MAP3K13: variants seen among roughly 807,000 people sequenced by gnomAD.
MAP3K13 encodes the protein mitogen-activated protein kinase kinase kinase 13, also known as leucine zipper-bearing kinase.
A neutral mutation model predicts 104.0 loss-of-function variants in MAP3K13; 52 were observed. The ratio of observed to expected loss-of-function variants is 0.50; its 90% confidence interval spans 0.40 to 0.63. The LOEUF (loss-of-function observed/expected upper bound fraction) is 0.63, where lower values mean the gene tolerates loss of function less well. Among genes scored for constraint, MAP3K13 ranks in the 20% least tolerant of loss-of-function variants. The probability of loss-of-function intolerance (pLI) is 0.00; values close to 1 mark genes in which losing one functional copy is unlikely to be tolerated. For missense variants in MAP3K13, 914 were observed against 1,218.5 expected, an observed-to-expected ratio of 0.75 and a Z score of 3.72; for synonymous variants, 394 against 442.2, an observed-to-expected ratio of 0.89 and a Z score of 1.37.
rs369187207 is a variant in MAP3K13, at chr3:185,483,507, C to T, written c.*1051C>T. The T allele has an allele frequency of 4.4e-4, 101 of 227,702 alleles. No homozygotes were observed. The South Asian group carries it at 0.011, about 24-fold the overall frequency. The allele number at this position is 227,702 out of a possible 1,614,324, so 14.1% of individuals were successfully genotyped here. A position where few individuals can be genotyped will look rare whatever the true frequency, so the allele number is the denominator to read the frequency against. ...AACGAACGTGGAATTTATAAAACTC[C>T]ATTCTCAGGATCACTCAGTTCAGCT... On this transcript the variant is annotated 3_prime_UTR_variant, in exon 14 of 14. Coordinates refer to ENST00000265026, the MANE Select transcript of MAP3K13 (RefSeq NM_004721.5).
chr3:185,396,269 G>T (rs550532000), intron 1 of MAP3K13, among the ~76,000 whole-genome samples: 6 of 152,112 alleles, frequency 3.9e-5, no homozygotes, highest in African/African-American at 1.4e-4. Context: ...TAGTCAGGAG[G>T]CTAAGCAGGA....
chr3:185,323,580 G>A (rs569888721), intron 2 of MAP3K13, among the ~76,000 whole-genome samples: 3 of 152,174 alleles, frequency 2.0e-5, no homozygotes, highest in East Asian at 1.9e-4. Flanking sequence ...TGATCTGCCC[G>A]CCTCGGCCTC....
At chr3:185,422,769 C>T (rs1243877301) in intron 1 of MAP3K13, among the ~76,000 whole-genome samples, 1 of 152,204 alleles carries the variant, frequency 6.6e-6, no homozygotes, top group African/African-American at 2.4e-5. Context: ...TGCTGTATAG[C>T]AGGGGTTCCC....
chr3:185,464,191 G>C (rs1312717584), intron 8 of MAP3K13, among the ~76,000 whole-genome samples: 1 of 152,222 alleles, frequency 6.6e-6, no homozygotes, highest in Non-Finnish European at 1.5e-5. Flanking sequence ...AGGAGACAGA[G>C]GCATGAGAAT....
chr3:185,469,168 G>A (rs1717630619), intron 10 of MAP3K13, among the ~76,000 whole-genome samples: 1 of 152,142 alleles, frequency 6.6e-6, no homozygotes, highest in Admixed American at 6.5e-5. Context: ...AAATTAGAGA[G>A]GAGAAACCAT....
rs1178355692 is a variant in MAP3K13 at position 185,348,008 on chromosome 3, G to A, written c.-86+62365G>A. Among the ~76,000 whole-genome samples the A allele has an allele frequency of 1.1e-3, 128 of 116,988 alleles. 2 individuals are homozygous for A. The highest frequency in any genetic ancestry group is 4.7e-3 in the African/African-American group (113 of 24,138). 76.7% of individuals were successfully genotyped at this position (116,988 alleles called of 152,430 possible). On this transcript the variant is annotated intron_variant, in intron 2 of 14. Transcript: ENST00000424227. ...TCCTGGGCAACAAAAGCAAAACTCCGTCTCAAAAAAAAAAAAAAAGAAAGA... is the reference window on the plus strand; with the variant it reads ...TCCTGGGCAACAAAAGCAAAACTCCATCTCAAAAAAAAAAAAAAAGAAAGA...
intron 2 of MAP3K13, among the ~76,000 whole-genome samples, chr3:185,319,238 C>G (rs1721777817): frequency 6.6e-6 from 1 of 152,108 alleles, no homozygotes; most frequent in African/African-American, 2.4e-5. Context: ...ACAGAATTTC[C>G]TAGCAGATGA....
Position 185,463,611 on chromosome 3 carries a change from T to G in MAP3K13, c.1340T>G (p.Ile447Arg). The change falls in exon 8 of 14, where the codon ATA becomes AGA. Residue 447 changes from isoleucine (I) to arginine (R), a missense_variant. By Grantham distance (97) the Ile-to-Arg change is moderately conservative. This residue lies in a region of MAP3K13 where 583 missense variants were observed against 737.4 expected (regional missense o/e 0.79). Coordinates refer to ENST00000265026, the MANE Select transcript of MAP3K13 (RefSeq NM_004721.5). ...FEKIKSEGTCIHRLDEELIRR... is the reference protein window; with the variant it reads ...FEKIKSEGTCRHRLDEELIRR... ...AAGATCAAAAGTGAAGGAACTTGTA[T>G]ACACCGGTTAGATGAAGAACTGATT... 1 of 1,613,478 alleles carries G rather than the reference T, an allele frequency of 6.2e-7. No homozygotes were observed. The highest frequency in any genetic ancestry group is 1.1e-5 in the South Asian group (1 of 90,984).
chr3:185,387,240 G>A (rs1000924492), intron 1 of MAP3K13, among the ~76,000 whole-genome samples: 1 of 152,018 alleles, frequency 6.6e-6, no homozygotes, highest in African/African-American at 2.4e-5. Context: ...TGGGTCATGG[G>A]GCAGATCCCT....
At chr3:185,480,190 T>G in intron 12 of MAP3K13, 42 bp from the exon 13 acceptor site, 1 of 1,579,768 alleles carries the variant, frequency 6.3e-7, no homozygotes, top group Non-Finnish European at 8.6e-7. Flanking sequence ...AGAAAAGCAG[T>G]TGTTCCTCTG....
chr3:185,467,108 A>G, intron 10 of MAP3K13, 145 bp downstream of exon 10: 1 of 856,562 alleles, frequency 1.2e-6, no homozygotes. Context: ...AAAACAGAGT[A>G]AGAAGGTGAG....
At chr3:185,434,102 G>C (rs1175973118) in intron 2 of MAP3K13, among the ~76,000 whole-genome samples, 1 of 151,936 alleles carries the variant, frequency 6.6e-6, no homozygotes, top group Non-Finnish European at 1.5e-5. Flanking sequence ...GGCAGTGGAA[G>C]AAATTACAAA....
chr3:185,298,767 G>T (rs1478758691), intron 2 of MAP3K13, among the ~76,000 whole-genome samples: 1 of 152,050 alleles, frequency 6.6e-6, no homozygotes, highest in East Asian at 1.9e-4. Flanking sequence ...TCCCCCAACT[G>T]GTTTGCTGAC....
intron 11 of MAP3K13, among the ~76,000 whole-genome samples, chr3:185,475,551 G>A (rs1400270451): frequency 6.6e-6 from 1 of 152,152 alleles, no homozygotes; most frequent in Non-Finnish European, 1.5e-5. Context: ...CAGTCCCAGA[G>A]ATTAAATTGT....
intron 4 of MAP3K13, among the ~76,000 whole-genome samples, chr3:185,447,018 A>G (rs773944705): frequency 1.8e-4 from 28 of 152,222 alleles, no homozygotes; most frequent in Non-Finnish European, 3.8e-4. Flanking sequence ...AGCATCCTAA[A>G]ATCAACCACA....
Position 185,447,800 on chromosome 3 carries a change from C to A in MAP3K13, c.863C>A (p.Thr288Asn). 6.2e-7 allele frequency: 1 copy of A among 1,607,140 alleles called. No homozygotes were observed. The highest frequency in any genetic ancestry group is 1.1e-5 in the South Asian group (1 of 89,624). The change falls in exon 5 of 14, where the codon ACC (threonine) becomes AAC (asparagine). Residue 288 changes from threonine (T) to asparagine (N), a missense_variant. Transcript: ENST00000265026. ...ATTTCTTTTTAAAGTGTTTTAGTGA[C>A]CCACACAGATGCGGTAAAAATTTCA... is the stretch of plus-strand genomic sequence containing the variant. ...RDLKSPNVLV[T>N]HTDAVKISDF...
intron 1 of MAP3K13, among the ~76,000 whole-genome samples, chr3:185,400,947 G>T (rs1577512375): frequency 1.0e-5 from 1 of 95,924 alleles, no homozygotes; most frequent in African/African-American, 4.1e-5. Context: ...TGCTAATACT[G>T]TCTTTAACAT....
In MAP3K13 at chr3:185,386,844, A is replaced by G. The variant is rs574770226; in HGVS notation, c.-86+23476A>G. Among the ~76,000 whole-genome samples, 17 of 152,328 alleles carry G rather than the reference A, an allele frequency of 1.1e-4. No individual in the cohort carries two copies. The South Asian group carries it at 2.1e-3, about 19-fold the overall frequency. On this transcript the variant is annotated intron_variant, in intron 1 of 13. Transcript: ENST00000265026. ...ATGTTCTCACTTATAAGTGGGAACTAAATGATGAGAACACATGGACACATG... is the reference window on the plus strand; with the variant it reads ...ATGTTCTCACTTATAAGTGGGAACTGAATGATGAGAACACATGGACACATG...
chr3:185,308,626 C>T (rs1201019104), intron 2 of MAP3K13, among the ~76,000 whole-genome samples: 2 of 152,184 alleles, frequency 1.3e-5, no homozygotes, highest in Admixed American at 1.3e-4. Context: ...CCGCTGTTCT[C>T]AGTGGACCCC....
Sources: allele counts gnomAD v4.1 joint callset (sites outside exome capture counted in the v4.1 genomes callset), GRCh38; gene constraint gnomAD v4.1.1; regional missense constraint gnomAD v4.1.1; transcripts MANE v1.5; gene names NCBI Gene and HGNC (gene_info 2026-07-23, HGNC 2026-07-21).